The following EML4 variants were observed in gnomAD, a reference collection of about 807,000 sequenced individuals.
EML4 encodes the protein echinoderm microtubule-associated protein-like 4.
Under a neutral mutation model 129.0 loss-of-function variants are expected in EML4, and 72 were observed. That is an observed-to-expected ratio of 0.56 (90% CI 0.46 to 0.68). The LOEUF (loss-of-function observed/expected upper bound fraction) is 0.68. Among genes scored for constraint, EML4 ranks in the 30% least tolerant of loss-of-function variants. The pLI is 0.00. For synonymous variants in EML4, 532 were observed against 405.0 expected (o/e 1.31, Z -3.77); for missense variants, 1,363 against 1,190.6 (o/e 1.14, Z -2.13).
intron 1 of EML4, among the ~76,000 whole-genome samples, chr2:42,244,599 T>A (rs1378075642): frequency 6.6e-6 from 1 of 151,858 alleles, no homozygotes; most frequent in Non-Finnish European, 1.5e-5. Context: ...TTAAGAGAGG[T>A]TGTGGTGTTA....
chr2:42,241,742 A>T (rs760251578), intron 1 of EML4, among the ~76,000 whole-genome samples: 4 of 152,220 alleles, frequency 2.6e-5, no homozygotes, highest in African/African-American at 7.2e-5. Flanking sequence ...TAAAAGGCAC[A>T]TAAGGTGAGA....
intron 1 of EML4, among the ~76,000 whole-genome samples, chr2:42,189,587 T>C (rs1343288934): frequency 6.6e-6 from 1 of 152,150 alleles, no homozygotes; most frequent in East Asian, 1.9e-4. Context: ...CTCAAATAAA[T>C]GATAATAAAA....
At chr2:42,223,120 T>C (rs1033075582) in intron 1 of EML4, among the ~76,000 whole-genome samples, 3 of 152,114 alleles carry the variant, frequency 2.0e-5, no homozygotes, top group Non-Finnish European at 4.4e-5. Context: ...AATGTATTTT[T>C]AATAGCTGCA....
intron 1 of EML4, among the ~76,000 whole-genome samples, chr2:42,199,027 C>T (rs774453271): frequency 6.6e-6 from 1 of 151,978 alleles, no homozygotes; most frequent in African/African-American, 2.4e-5. Context: ...GGGGTTTAGG[C>T]TGGAGAGGGA....
intron 1 of EML4, among the ~76,000 whole-genome samples, chr2:42,241,848 T>C (rs1251945091): frequency 1.4e-5 from 2 of 145,992 alleles, no homozygotes; most frequent in African/African-American, 2.7e-5. Context: ...GTGTAAAATA[T>C]AGATTGTGTG....
intron 2 of EML4, among the ~76,000 whole-genome samples, chr2:42,253,413 G>C (rs1026379388): frequency 1.3e-5 from 2 of 152,138 alleles, no homozygotes; most frequent in African/African-American, 4.8e-5. Context: ...GTGTCTTACA[G>C]TTCTAATAGG....
At chr2:42,237,795 C>T (rs923384827) in intron 1 of EML4, among the ~76,000 whole-genome samples, 19 of 152,268 alleles carry the variant, frequency 1.2e-4, no homozygotes, top group African/African-American at 3.4e-4. Flanking sequence ...CAAAATGGAT[C>T]GTCATAAGAC....
At chr2:42,296,178 A>G (rs1012477849) in intron 13 of EML4, among the ~76,000 whole-genome samples, 4 of 152,310 alleles carry the variant, frequency 2.6e-5, no homozygotes, top group African/African-American at 9.6e-5. Flanking sequence ...AAAAATGTCC[A>G]GAGTACCATG....
intron 17 of EML4, among the ~76,000 whole-genome samples, chr2:42,307,352 G>C (rs1558597717): frequency 6.6e-6 from 1 of 152,218 alleles, no homozygotes; most frequent in Non-Finnish European, 1.5e-5. Context: ...AACACTTCAT[G>C]AGAGTGATGT....
chr2:42,330,466 G>GT lies in EML4; in HGVS notation c.*260dup. ...TTAATGATGTCTCACAAATTACTGT[G>GT]TACCTAAGTGGTGTGATGTAAATAC... On this transcript the variant is annotated 3_prime_UTR_variant, in exon 23 of 23. Coordinates refer to ENST00000318522, the MANE Select transcript of EML4 (RefSeq NM_019063.5). 1 of 556,310 alleles carries GT rather than the reference G, an allele frequency of 1.8e-6. No individual in the cohort carries two copies. The allele number at this position is 556,310 out of a possible 1,614,324, so 34.5% of individuals were successfully genotyped here.
At chr2:42,327,483 C>T (rs948846991) in intron 21 of EML4, among the ~76,000 whole-genome samples, 7 of 152,218 alleles carry the variant, frequency 4.6e-5, no homozygotes, top group Non-Finnish European at 1.0e-4. Context: ...TCTGGTTCCT[C>T]CATGTCCTTG....
intron 1 of EML4, among the ~76,000 whole-genome samples, chr2:42,202,351 G>A (rs962403723): frequency 6.6e-6 from 1 of 152,074 alleles, no homozygotes; most frequent in African/African-American, 2.4e-5. Flanking sequence ...GACTAGCCTG[G>A]TGTATTAGTC....
chr2:42,196,332 G>A (rs72978888), intron 1 of EML4, among the ~76,000 whole-genome samples: 1,561 of 152,298 alleles, frequency 0.01, 27 homozygotes, highest in African/African-American at 0.035. Flanking sequence ...ATCACCATCT[G>A]TTGACGCTTG....
chr2:42,262,884 A>T (rs190116750), intron 4 of EML4, among the ~76,000 whole-genome samples: 1 of 152,230 alleles, frequency 6.6e-6, no homozygotes, highest in Non-Finnish European at 1.5e-5. Flanking sequence ...TATAAGAAAC[A>T]TTACTCAGAT....
intron 19 of EML4, chr2:42,319,509 T>A (rs974746828): frequency 5.3e-5 from 8 of 152,228 alleles, no homozygotes; most frequent in African/African-American, 1.9e-4. Context: ...TTCCTAATTG[T>A]CTTCGGTTTT....
chr2:42,277,570 C>CTTTT (rs869297928), intron 6 of EML4, among the ~76,000 whole-genome samples: 1 of 136,608 alleles, frequency 7.3e-6, no homozygotes, highest in Non-Finnish European at 1.6e-5. Context: ...CAAGCACAAC[C>CTTTT]TTTTTTTTTT....
chr2:42,245,825 C>T, intron 2 of EML4, 138 bp downstream of exon 2: 1 of 773,612 alleles, frequency 1.3e-6, no homozygotes, highest in Non-Finnish European at 1.9e-6. Context: ...TTTTTTAATT[C>T]CCAAAAAGTT....
At chr2:42,253,894 A>G (rs974509410) in intron 2 of EML4, among the ~76,000 whole-genome samples, 3 of 152,240 alleles carry the variant, frequency 2.0e-5, no homozygotes, top group Admixed American at 6.5e-5. Context: ...AGCATAAGCT[A>G]TAAGAGAAAA....
chr2:42,229,809 A>G (rs1015406310), intron 1 of EML4, among the ~76,000 whole-genome samples: 21 of 152,208 alleles, frequency 1.4e-4, no homozygotes, highest in African/African-American at 5.1e-4. Flanking sequence ...AATCTCTAAA[A>G]CTGATAGGAA....
Sources: gnomAD v4.1 joint callset for allele counts (sites outside exome capture counted in the v4.1 genomes callset) on GRCh38, gnomAD v4.1.1 for gene constraint, MANE v1.5 for transcripts, NCBI Gene and HGNC (gene_info 2026-07-23, HGNC 2026-07-21) for gene names.